PCDH15: variants seen among roughly 807,000 people sequenced by gnomAD.
The protein encoded by PCDH15 is protocadherin related 15.
A neutral mutation model predicts 178.5 loss-of-function variants in PCDH15; 129 were observed. That is an observed-to-expected ratio of 0.72 (90% CI 0.63 to 0.84). The LOEUF is 0.84. PCDH15 is among the 40% of genes least tolerant of loss of function. The pLI, the probability that PCDH15 is intolerant of heterozygous loss-of-function variation, is 0.00. For missense variants in PCDH15, 2,230 were observed against 2,099.9 expected (o/e 1.06, Z -1.21); for synonymous variants, 800 against 732.0 (o/e 1.09, Z -1.50).
At chr10:55,302,566 C>G (rs1303666761) in intron 1 of PCDH15, among the ~76,000 whole-genome samples, 8 of 152,076 alleles carry the variant, frequency 5.3e-5, no homozygotes. Context: ...TCAGGGGAGC[C>G]AGCCTTTTCT....
chr10:54,272,947 T>C (rs1177584565), intron 8 of PCDH15, among the ~76,000 whole-genome samples: 1 of 152,168 alleles, frequency 6.6e-6, no homozygotes, highest in Non-Finnish European at 1.5e-5. Flanking sequence ...GATGATATCT[T>C]TCTAGTGAAT....
At chr10:55,385,187 A>T (rs1054945055) in intron 2 of PCDH15, among the ~76,000 whole-genome samples, 23 of 152,154 alleles carry the variant, frequency 1.5e-4, no homozygotes, top group Admixed American at 1.3e-3. Flanking sequence ...ACAATGTCGT[A>T]TATGTAAAAC....
chr10:54,375,956 G>A (rs981999867), intron 4 of PCDH15, among the ~76,000 whole-genome samples: 29 of 118,006 alleles, frequency 2.5e-4, no homozygotes, highest in Non-Finnish European at 9.2e-5. Flanking sequence ...GTGCAGTGGT[G>A]TGATCTTGGT....
chr10:54,540,483 C>A (rs1216391144), intron 2 of PCDH15, among the ~76,000 whole-genome samples: 3 of 152,068 alleles, frequency 2.0e-5, no homozygotes, highest in Non-Finnish European at 4.4e-5. Flanking sequence ...CCTGAACAGA[C>A]CAACATTGAG....
intron 2 of PCDH15, among the ~76,000 whole-genome samples, chr10:55,551,429 T>G (rs1039702067): frequency 6.6e-6 from 1 of 151,872 alleles, no homozygotes; most frequent in Non-Finnish European, 1.5e-5. Context: ...TACAATATTC[T>G]TCAATAGCAG....
intron 5 of PCDH15, among the ~76,000 whole-genome samples, chr10:54,355,960 T>C (rs540657752): frequency 1.3e-5 from 2 of 152,116 alleles, no homozygotes; most frequent in East Asian, 3.9e-4. Flanking sequence ...CAATTATATT[T>C]CAAAAAATAA....
chr10:54,398,626 G>A (rs937670615), intron 3 of PCDH15, among the ~76,000 whole-genome samples: 6 of 151,802 alleles, frequency 4.0e-5, no homozygotes, highest in African/African-American at 1.2e-4. Flanking sequence ...CTTCAAAAAT[G>A]CCCCCCAACA....
chr10:54,762,306 T>A (rs1344798390), intron 1 of PCDH15, among the ~76,000 whole-genome samples: 10 of 152,120 alleles, frequency 6.6e-5, no homozygotes, highest in Non-Finnish European at 1.3e-4. Flanking sequence ...TAGCAGAACA[T>A]GTCGTACTTA....
At chr10:55,151,996 G>C (rs1838737447) in intron 2 of PCDH15, among the ~76,000 whole-genome samples, 1 of 151,992 alleles carries the variant, frequency 6.6e-6, no homozygotes, top group South Asian at 2.1e-4. Context: ...AGGAGACTTT[G>C]TTATGTGGAT....
intron 2 of PCDH15, among the ~76,000 whole-genome samples, chr10:54,962,552 A>T (rs182706575): frequency 3.0e-3 from 457 of 152,196 alleles, no homozygotes; most frequent in Non-Finnish European, 4.8e-3. Context: ...CATCTTCAAG[A>T]TTTTGGGTAC....
chr10:54,455,728 G>A (rs1231190407), intron 3 of PCDH15, among the ~76,000 whole-genome samples: 2 of 152,192 alleles, frequency 1.3e-5, no homozygotes, highest in Non-Finnish European at 2.9e-5. Context: ...ACATGTCAGA[G>A]AACTTCACAA....
chr10:54,344,380 C>T (rs1341066352), intron 6 of PCDH15, among the ~76,000 whole-genome samples: 1 of 152,116 alleles, frequency 6.6e-6, no homozygotes, highest in Non-Finnish European at 1.5e-5. Flanking sequence ...AATGGGGAGG[C>T]ATTGAGACAG....
intron 26 of PCDH15, among the ~76,000 whole-genome samples, chr10:53,898,120 C>T (rs1039662185): frequency 6.8e-6 from 1 of 146,866 alleles, no homozygotes; most frequent in African/African-American, 2.6e-5. Context: ...GTGCCCACCA[C>T]CACGCCTGGC....
At chr10:54,767,908 A>G (rs1045985949) in intron 1 of PCDH15, among the ~76,000 whole-genome samples, 8 of 152,166 alleles carry the variant, frequency 5.3e-5, no homozygotes, top group Admixed American at 4.6e-4. Context: ...GATAGAAGAC[A>G]TTACATAAAA....
At chr10:54,243,629 T>C (rs747299964) in intron 8 of PCDH15, among the ~76,000 whole-genome samples, 7 of 152,196 alleles carry the variant, frequency 4.6e-5, no homozygotes, top group African/African-American at 1.4e-4. Context: ...GTTACTAACA[T>C]AGAGAATTAG....
chr10:54,158,501 A>T (rs2045384969), intron 13 of PCDH15, among the ~76,000 whole-genome samples: 1 of 152,174 alleles, frequency 6.6e-6, no homozygotes, highest in Non-Finnish European at 1.5e-5. Context: ...TAGCCAAACC[A>T]TATCACCATC....
At chr10:54,190,065 A>G (rs2048852262) in intron 11 of PCDH15, among the ~76,000 whole-genome samples, 3 of 149,732 alleles carry the variant, frequency 2.0e-5, no homozygotes, top group South Asian at 4.3e-4. Context: ...ATTCTTTCTG[A>G]CTTAAAATCT....
At chr10:55,350,045 T>C (rs1844869755) in intron 2 of PCDH15, among the ~76,000 whole-genome samples, 3 of 151,682 alleles carry the variant, frequency 2.0e-5, no homozygotes. Context: ...CTCAATTTTC[T>C]ACAGAAGTAA....
chr10:54,426,052 AC>A (rs1398715332), intron 3 of PCDH15, among the ~76,000 whole-genome samples: 2 of 152,194 alleles, frequency 1.3e-5, no homozygotes, highest in African/African-American at 4.8e-5. Flanking sequence ...CAGCTTTAGA[AC>A]TAGACATAAA....
Sources: allele counts gnomAD v4.1 joint callset (sites outside exome capture counted in the v4.1 genomes callset), GRCh38; gene constraint gnomAD v4.1.1; transcripts MANE v1.5; gene names NCBI Gene and HGNC (gene_info 2026-07-23, HGNC 2026-07-21).